Variants in TRARG1 observed in about 807,000 individuals in gnomAD.
TRARG1 encodes the protein trafficking regulator of GLUT4 1.
A neutral mutation model predicts 13.3 loss-of-function variants in TRARG1; 16 were observed. The observed-to-expected ratio is 1.20, with a 90% CI of 0.81 to 1.83. The LOEUF (loss-of-function observed/expected upper bound fraction) is 1.83, where lower values mean the gene tolerates loss of function less well. TRARG1 is among the 40% of genes most tolerant of loss of function. TRARG1 has a pLI of 0.00. For synonymous variants in TRARG1, 113 were observed against 106.2 expected (o/e 1.06, Z -0.39); for missense variants, 250 against 237.4 (o/e 1.05, Z -0.35).
chr17:1,287,383 C>CA (rs1197462140), intron 1 of TRARG1, among the ~76,000 whole-genome samples: 1 of 151,716 alleles, frequency 6.6e-6, no homozygotes, highest in African/African-American at 2.4e-5. Flanking sequence ...TTTTTTGAGA[C>CA]AGAGTCTCGC....
rs186053746 is a variant in TRARG1, at chr17:1,280,586, T to C, written c.387+198T>C. Among the ~76,000 whole-genome samples the C allele has an allele frequency of 6.1e-3, 926 of 152,292 alleles. 14 individuals carry two copies. Among genetic ancestry groups the C allele is most frequent in the African/African-American group, 0.021 (876 of 41,562 alleles). On this transcript the variant is annotated intron_variant, in intron 1 of 2. Coordinates refer to ENST00000333813, the MANE Select transcript of TRARG1 (RefSeq NM_172367.3). The stretch of plus-strand genomic sequence containing the variant: ...CCCGGGGCTGGAAGAGCTCCTGCTC[T>C]GTTCTCTCATCTCTGCTTCTGGGCA...
At chr17:1,280,481 G>A (rs62090189) in intron 1 of TRARG1, 93 bp downstream of exon 1, 215,821 of 1,320,804 alleles carry the variant, frequency 0.16, 18,778 homozygotes, top group Admixed American at 0.24. Context: ...CCCAGGGTGT[G>A]GAGAAGAGAG....
chr17:1,291,056 C>T (rs1208984642), intron 1 of TRARG1, among the ~76,000 whole-genome samples: 2 of 151,786 alleles, frequency 1.3e-5, no homozygotes, highest in Non-Finnish European at 2.9e-5. Context: ...CAGGCAGGTG[C>T]CACCATGCCC....
intron 1 of TRARG1, among the ~76,000 whole-genome samples, chr17:1,289,854 C>T (rs1044519374): frequency 6.6e-6 from 1 of 152,158 alleles, no homozygotes; most frequent in Non-Finnish European, 1.5e-5. Context: ...CACTGCACGG[C>T]CCTCTTCCTG....
chr17:1,295,757 C>A, intron 2 of TRARG1, 134 bp downstream of exon 2: 1 of 1,033,338 alleles, frequency 9.7e-7, no homozygotes, highest in Non-Finnish European at 1.4e-6. Flanking sequence ...CCGGCCTTAT[C>A]CTCCCAGTCC....
chr17:1,282,647 G>A (rs930234612), intron 1 of TRARG1, among the ~76,000 whole-genome samples: 1 of 151,608 alleles, frequency 6.6e-6, no homozygotes, highest in Non-Finnish European at 1.5e-5. Context: ...GGGATTACAG[G>A]TGTGAGCCAC....
chr17:1,290,998 C>A (rs896052789), intron 1 of TRARG1, among the ~76,000 whole-genome samples: 2 of 151,992 alleles, frequency 1.3e-5, no homozygotes, highest in Non-Finnish European at 2.9e-5. Flanking sequence ...CTCCACCTCC[C>A]GGGTTCCAGC....
At chr17:1,295,893 G>A (rs1011337593) in intron 2 of TRARG1, among the ~76,000 whole-genome samples, 1 of 152,246 alleles carries the variant, frequency 6.6e-6, no homozygotes, top group African/African-American at 2.4e-5. Flanking sequence ...TCAGAGGACA[G>A]GAGCTCCAGC....
intron 1 of TRARG1, 87 bp from the exon 2 acceptor site, chr17:1,295,404 G>C: frequency 6.7e-7 from 1 of 1,489,518 alleles, no homozygotes; most frequent in South Asian, 1.3e-5. Flanking sequence ...CCCAGGCTCA[G>C]GGCCACCCCA....
chr17:1,282,053 T>C (rs1380506120), intron 1 of TRARG1, among the ~76,000 whole-genome samples: 1 of 133,822 alleles, frequency 7.5e-6, no homozygotes, highest in Admixed American at 7.9e-5. Flanking sequence ...TATGTACACA[T>C]ATGTACATGT....
chr17:1,290,083 C>T (rs944029440), intron 1 of TRARG1, among the ~76,000 whole-genome samples: 1 of 152,238 alleles, frequency 6.6e-6, no homozygotes, highest in Non-Finnish European at 1.5e-5. Context: ...TGGATTCTAT[C>T]TTCAGAACTT....
chr17:1,298,223 C>A (rs765755269), intron 2 of TRARG1, 28 bp from the exon 3 acceptor site: 7 of 1,613,724 alleles, frequency 4.3e-6, no homozygotes, highest in Non-Finnish European at 5.9e-6. Context: ...GAGCCCTGTT[C>A]TGCCATATCT....
chr17:1,281,982 A>G (rs36134917), intron 1 of TRARG1, among the ~76,000 whole-genome samples: 36,456 of 147,904 alleles, frequency 0.25, 4,736 homozygotes, highest in East Asian at 0.46. Context: ...ACGTGTACAT[A>G]TATGTACATA....
intron 1 of TRARG1, among the ~76,000 whole-genome samples, chr17:1,282,068 A>G (rs866470674): frequency 5.3e-4 from 79 of 148,942 alleles, no homozygotes; most frequent in African/African-American, 1.9e-3. Flanking sequence ...ACATGTATAC[A>G]CATATATACA....
intron 1 of TRARG1, among the ~76,000 whole-genome samples, chr17:1,289,820 C>T (rs1386023399): frequency 6.6e-6 from 1 of 152,156 alleles, no homozygotes; most frequent in Non-Finnish European, 1.5e-5. Flanking sequence ...GCACCCCGCA[C>T]CTCTGCCCAA....
At chr17:1,282,006 A>G (rs1319660940) in intron 1 of TRARG1, among the ~76,000 whole-genome samples, 5 of 149,332 alleles carry the variant, frequency 3.3e-5, no homozygotes, top group East Asian at 2.0e-4. Context: ...ACAGATATAC[A>G]CATATGTACA....
intron 1 of TRARG1, among the ~76,000 whole-genome samples, chr17:1,288,543 C>T (rs867087005): frequency 1.3e-4 from 10 of 77,886 alleles, no homozygotes; most frequent in East Asian, 4.4e-4. Context: ...TCATCCCCCA[C>T]GGGTTCCCCA....
chr17:1,296,473 G>T (rs1452486211), intron 2 of TRARG1, among the ~76,000 whole-genome samples: 1 of 149,500 alleles, frequency 6.7e-6, no homozygotes, highest in African/African-American at 2.5e-5. Context: ...GGGATGACAG[G>T]TGTGAGCCGC....
intron 1 of TRARG1, among the ~76,000 whole-genome samples, chr17:1,286,627 C>T (rs975749355): frequency 1.5e-5 from 2 of 129,594 alleles, no homozygotes; most frequent in South Asian, 5.1e-4. Context: ...GTGTTGTTTT[C>T]GGCCTGTGGG....
Sources: allele counts gnomAD v4.1 joint callset (sites outside exome capture counted in the v4.1 genomes callset), GRCh38; gene constraint gnomAD v4.1.1; transcripts MANE v1.5; gene names NCBI Gene and HGNC (gene_info 2026-07-23, HGNC 2026-07-21).